PRORP: variants seen among roughly 807,000 people sequenced by gnomAD.
PRORP encodes the protein protein only RNase P catalytic subunit.
In PRORP, 51 loss-of-function variants were observed where a neutral mutation model predicts 59.4. The ratio of observed to expected loss-of-function variants is 0.86; its 90% CI spans 0.69 to 1.08. PRORP has a LOEUF of 1.08. PRORP is among the 50% of genes least tolerant of loss of function. The pLI, the probability that PRORP is intolerant of heterozygous loss-of-function variation, is 0.00. For missense variants in PRORP, 646 were observed against 690.3 expected (o/e 0.94, Z 0.72); for synonymous variants, 231 against 245.6 (o/e 0.94, Z 0.55).
intron 5 of PRORP, among the ~76,000 whole-genome samples, chr14:35,212,287 T>G (rs929304883): frequency 2.6e-5 from 4 of 152,210 alleles, no homozygotes; most frequent in Non-Finnish European, 5.9e-5. Context: ...TATTGGTATT[T>G]TGACCTCCTC....
At chr14:35,260,405 C>G (rs368726331) in intron 5 of PRORP, among the ~76,000 whole-genome samples, 4 of 152,302 alleles carry the variant, frequency 2.6e-5, no homozygotes, top group African/African-American at 9.6e-5. Flanking sequence ...TGAAGACTCT[C>G]CCAGTACTCC....
At chr14:35,161,155 T>G (rs1204971441) in intron 4 of PRORP, among the ~76,000 whole-genome samples, 1 of 152,204 alleles carries the variant, frequency 6.6e-6, no homozygotes, top group Non-Finnish European at 1.5e-5. Flanking sequence ...CCCAAAGAGT[T>G]ATAAATGTTG....
intron 5 of PRORP, among the ~76,000 whole-genome samples, chr14:35,204,630 C>T (rs1440219115): frequency 6.6e-6 from 1 of 151,802 alleles, no homozygotes; most frequent in African/African-American, 2.4e-5. Flanking sequence ...GTTTTATAGT[C>T]TCTTGGGGGA....
intron 4 of PRORP, among the ~76,000 whole-genome samples, chr14:35,165,034 G>C (rs1273889332): frequency 6.6e-6 from 1 of 152,166 alleles, no homozygotes; most frequent in Admixed American, 6.5e-5. Context: ...TAAGAATACA[G>C]GCCACACTAT....
At chr14:35,168,940 A>G (rs1402751911) in intron 4 of PRORP, among the ~76,000 whole-genome samples, 1 of 145,444 alleles carries the variant, frequency 6.9e-6, no homozygotes, top group Non-Finnish European at 1.5e-5. Context: ...AGGTTCATTC[A>G]TTTTTTTTTC....
intron 5 of PRORP, among the ~76,000 whole-genome samples, chr14:35,199,093 G>A (rs932296308): frequency 2.6e-5 from 4 of 152,130 alleles, no homozygotes; most frequent in East Asian, 1.9e-4. Flanking sequence ...GCTTGAACCC[G>A]GGAGGCGGAG....
Position 35,124,251 on chromosome 14 carries a change from A to C in PRORP, c.986+20A>C, listed in dbSNP as rs775992850. 5 of 1,485,470 alleles carry C rather than the reference A, an allele frequency of 3.4e-6. No homozygotes were observed. Among genetic ancestry groups the C allele is most frequent in the Non-Finnish European group, 3.6e-6 (4 of 1,112,398 alleles). The allele number at this position is 1,485,470 out of a possible 1,614,324, so 92.0% of individuals were successfully genotyped here. On this transcript the variant is annotated intron_variant, in intron 2 of 7. Transcript: ENST00000534898. ...TGAGAGGTAATTTTGGTTTTTTTAT[A>C]TGTATGTTTTTATTCTTTAATTTTT...
chr14:35,124,323 A>G (rs2047036289), intron 2 of PRORP, 92 bp downstream of exon 2: 10 of 823,122 alleles, frequency 1.2e-5, no homozygotes, highest in Non-Finnish European at 1.6e-5. Flanking sequence ...ACTGGAGTGC[A>G]GTGGTGTGTT....
chr14:35,173,075 C>T (rs910757920), intron 4 of PRORP, among the ~76,000 whole-genome samples: 4 of 152,058 alleles, frequency 2.6e-5, no homozygotes, highest in Non-Finnish European at 5.9e-5. Flanking sequence ...ACCATGTTGG[C>T]CGGGCTGGTC....
intron 5 of PRORP, among the ~76,000 whole-genome samples, chr14:35,200,840 A>G (rs529190012): frequency 2.6e-5 from 4 of 152,266 alleles, no homozygotes; most frequent in Non-Finnish European, 2.9e-5. Flanking sequence ...GTGAACCAAT[A>G]TTGATATATT....
In PRORP at chr14:35,232,833, C is replaced by T. The variant is rs1333398099; in HGVS notation, c.1276-33894C>T. Among the ~76,000 whole-genome samples the T allele has an allele frequency of 1.2e-4, 19 of 152,162 alleles. No homozygotes were observed. The South Asian group carries it at 2.9e-3, about 23-fold the overall frequency. ...GACTACAGATGCATGCCACCACGAC[C>T]GGCTAATTTTTTTGTATTTTTAGTA... is the stretch of plus-strand genomic sequence containing the variant. On this transcript the variant is annotated intron_variant, in intron 5 of 7. Transcript: ENST00000534898.
chr14:35,259,590 T>TA lies in PRORP; in HGVS notation c.1276-7133dup, dbSNP rs1405057145. Among the ~76,000 whole-genome samples, 4 of 152,330 alleles carry TA rather than the reference T, an allele frequency of 2.6e-5. No homozygotes were observed. The East Asian group carries it at 7.7e-4, about 29-fold the overall frequency. On this transcript the variant is annotated intron_variant, in intron 5 of 7. Coordinates refer to ENST00000534898, the MANE Select transcript of PRORP (RefSeq NM_014672.4). The stretch of plus-strand genomic sequence containing the variant: ...TTTTTATTTCTTTATAATGGCTTTT[T>TA]AAAATCTATAGTGTTTTTTTCTGGG...
At chr14:35,199,185 A>T (rs1397065906) in intron 5 of PRORP, among the ~76,000 whole-genome samples, 1 of 151,702 alleles carries the variant, frequency 6.6e-6, no homozygotes, top group Non-Finnish European at 1.5e-5. Context: ...AAATACAAAA[A>T]TTAGCTGGAC....
chr14:35,247,514 C>T (rs571023923), intron 5 of PRORP, among the ~76,000 whole-genome samples: 1 of 152,254 alleles, frequency 6.6e-6, no homozygotes, highest in East Asian at 1.9e-4. Context: ...CCAGGCTACA[C>T]AAGTTTTCAA....
intron 4 of PRORP, among the ~76,000 whole-genome samples, chr14:35,153,852 CCT>C (rs2047843636): frequency 6.6e-6 from 1 of 152,140 alleles, no homozygotes; most frequent in South Asian, 2.1e-4. Flanking sequence ...TTTAAGAGGT[CCT>C]CACTCAAGTA....
rs1038396128 is a variant in PRORP, at chr14:35,125,694, T to A, written c.987-1041T>A. Among the ~76,000 whole-genome samples the A allele has an allele frequency of 5.9e-5, 9 of 152,180 alleles. 1 individual carries two copies. The highest frequency in any genetic ancestry group is 5.9e-4 in the Admixed American group (9 of 15,280). ...GAGCCCATTTGTGAAAATCTTTGAA[T>A]ACCAAGGAGTTTGGATTTTATTCTG... On this transcript the variant is annotated intron_variant, in intron 2 of 7. Coordinates refer to ENST00000534898, the MANE Select transcript of PRORP (RefSeq NM_014672.4).
chr14:35,138,550 A>G (rs2047420471), intron 4 of PRORP, among the ~76,000 whole-genome samples: 1 of 145,338 alleles, frequency 6.9e-6, no homozygotes, highest in Non-Finnish European at 1.5e-5. Context: ...GGAATAAATT[A>G]TTAAATAATT....
chr14:35,152,579 A>C (rs1479907095), intron 4 of PRORP, among the ~76,000 whole-genome samples: 2 of 149,664 alleles, frequency 1.3e-5, no homozygotes, highest in Admixed American at 6.6e-5. Flanking sequence ...TCCCTCCCGG[A>C]CGGGGCGGCT....
At chr14:35,231,289 G>A (rs1401564369) in intron 5 of PRORP, among the ~76,000 whole-genome samples, 1 of 152,112 alleles carries the variant, frequency 6.6e-6, no homozygotes, top group Non-Finnish European at 1.5e-5. Context: ...GTATTGCCAA[G>A]GATCATTTAA....
Sources: allele counts gnomAD v4.1 joint callset (sites outside exome capture counted in the v4.1 genomes callset), GRCh38; gene constraint gnomAD v4.1.1; transcripts MANE v1.5; gene names NCBI Gene and HGNC (gene_info 2026-07-23, HGNC 2026-07-21).